DAB1: variants seen among roughly 807,000 people sequenced by gnomAD.
The protein encoded by DAB1 is DAB adaptor protein 1.
Under a neutral mutation model 64.6 loss-of-function variants are expected in DAB1, and 15 were observed. The ratio of observed to expected loss-of-function variants is 0.23; its 90% CI spans 0.16 to 0.36. The LOEUF is 0.36. Among genes scored for constraint, DAB1 ranks in the 10% least tolerant of loss-of-function variants. The probability of loss-of-function intolerance (pLI) is 1.00; values close to 1 mark genes in which losing one functional copy is unlikely to be tolerated. For missense variants in DAB1, 596 were observed against 706.7 expected (o/e 0.84, Z 1.78); for synonymous variants, 235 against 251.9 (o/e 0.93, Z 0.64).
In DAB1 at chr1:57,998,209, C is replaced by T. The variant is rs114301108; in HGVS notation, n.388-114047G>A. Among the ~76,000 whole-genome samples, 843 of 152,206 alleles carry T rather than the reference C, an allele frequency of 5.5e-3. 2 individuals carry two copies. The highest frequency in any genetic ancestry group is 0.013 in the African/African-American group (531 of 41,520). On this transcript the variant is annotated intron_variant and non_coding_transcript_variant, in intron 5 of 20. Coordinates refer to the DAB1 transcript ENST00000485760. ...CCTGGAATAGTCTGGGTCTGTATCT[C>T]GATTCTGCCATTGCCTAGCCTTGTG...
rs868313114 is a variant in DAB1 at position 58,361,303 on chromosome 1, C to T, written n.258-17900G>A. On this transcript the variant is annotated intron_variant and non_coding_transcript_variant, in intron 3 of 20. Coordinates refer to the DAB1 transcript ENST00000485760. ...AGAGAAAAGAACTTCATGATTCACC[C>T]CAACAAACGAGGTCTGGGGGTGTCC... 1.1e-4 allele frequency among the ~76,000 whole-genome samples: 17 copies of T among 152,300 alleles called. No individual in the cohort carries two copies. The Middle Eastern group carries it at 0.01, about 91-fold the overall frequency.
chr1:57,654,851 TA>T (rs1459713723), intron 6 of DAB1, among the ~76,000 whole-genome samples: 1 of 152,210 alleles, frequency 6.6e-6, no homozygotes, highest in African/African-American at 2.4e-5. Context: ...TTTTACTCAA[TA>T]AATCCTTTCC....
chr1:57,847,377 C>A (rs1428266210), intron 1 of DAB1, among the ~76,000 whole-genome samples: 1 of 150,606 alleles, frequency 6.6e-6, no homozygotes, highest in Non-Finnish European at 1.5e-5. Context: ...AAGCATAAAA[C>A]AAAAAGACAG....
intron 7 of DAB1, among the ~76,000 whole-genome samples, chr1:57,474,393 C>T (rs1211571233): frequency 2.6e-5 from 4 of 152,106 alleles, no homozygotes; most frequent in Non-Finnish European, 5.9e-5. Flanking sequence ...CTTGCCCACC[C>T]CATTTATGTC....
intron 6 of DAB1, among the ~76,000 whole-genome samples, chr1:57,719,516 G>T: frequency 6.6e-6 from 1 of 152,208 alleles, no homozygotes; most frequent in Non-Finnish European, 1.5e-5. Context: ...TTGAGGGAGG[G>T]ACCTGGTGGG....
intron 5 of DAB1, among the ~76,000 whole-genome samples, chr1:58,134,017 A>G (rs1487427182): frequency 6.6e-6 from 1 of 152,086 alleles, no homozygotes; most frequent in Non-Finnish European, 1.5e-5. Context: ...TGACTAACTA[A>G]TTAGCTGTGT....
chr1:58,505,989 AAAG>A, intron 3 of DAB1: 1 of 768,590 alleles, frequency 1.3e-6, no homozygotes, highest in Non-Finnish European at 2.3e-6. Context: ...TTACTAAGCA[AAAG>A]AAGTGACAGC....
chr1:57,697,768 C>T (rs554336261), intron 6 of DAB1, among the ~76,000 whole-genome samples: 1 of 152,110 alleles, frequency 6.6e-6, no homozygotes, highest in South Asian at 2.1e-4. Flanking sequence ...AGGCTGTGTT[C>T]TTTCTGTCTT....
At chr1:57,949,976 G>A (rs1397818324) in intron 5 of DAB1, among the ~76,000 whole-genome samples, 1 of 152,150 alleles carries the variant, frequency 6.6e-6, no homozygotes, top group Non-Finnish European at 1.5e-5. Context: ...AGACTATCAT[G>A]TTGTCCCAAG....
At chr1:58,486,506 T>C (rs1169660586) in intron 3 of DAB1, among the ~76,000 whole-genome samples, 1 of 152,208 alleles carries the variant, frequency 6.6e-6, no homozygotes, top group Non-Finnish European at 1.5e-5. Context: ...CACTATTATA[T>C]TGCTTATCCT....
At chr1:57,663,955 G>T (rs1349949862) in intron 6 of DAB1, among the ~76,000 whole-genome samples, 1 of 152,134 alleles carries the variant, frequency 6.6e-6, no homozygotes, top group Non-Finnish European at 1.5e-5. Flanking sequence ...AACTCATGCT[G>T]AAGTCTTAGG....
At chr1:58,107,148 G>C (rs1247136720) in intron 5 of DAB1, among the ~76,000 whole-genome samples, 1 of 151,724 alleles carries the variant, frequency 6.6e-6, no homozygotes, top group Non-Finnish European at 1.5e-5. Flanking sequence ...AGGACATAGA[G>C]ATATGGGATG....
At chr1:58,300,621 A>G (rs1259948770) in intron 4 of DAB1, among the ~76,000 whole-genome samples, 4 of 35,952 alleles carry the variant, frequency 1.1e-4, no homozygotes, top group Non-Finnish European at 2.0e-4. Flanking sequence ...AGAGAGAGAG[A>G]GAGAGAGAGA....
At chr1:57,380,535 A>T (rs1319042815) in intron 1 of DAB1, among the ~76,000 whole-genome samples, 2 of 152,214 alleles carry the variant, frequency 1.3e-5, no homozygotes, top group East Asian at 3.8e-4. Flanking sequence ...AGCCTGGAAC[A>T]TAGTGACAAT....
chr1:57,255,948 G>A (rs1310217924), intron 2 of DAB1, among the ~76,000 whole-genome samples: 8 of 152,242 alleles, frequency 5.3e-5, no homozygotes, highest in African/African-American at 1.9e-4. Context: ...GCCTTAATGT[G>A]CCATTTATTA....
intron 6 of DAB1, among the ~76,000 whole-genome samples, chr1:57,668,752 T>C (rs1646476880): frequency 6.6e-6 from 1 of 152,080 alleles, no homozygotes; most frequent in Non-Finnish European, 1.5e-5. Context: ...CATTTAACCT[T>C]GAGATAAGCA....
At chr1:58,431,507 G>A (rs1484402583) in intron 3 of DAB1, among the ~76,000 whole-genome samples, 58 of 138,270 alleles carry the variant, frequency 4.2e-4, no homozygotes, top group South Asian at 2.3e-4. Flanking sequence ...GCAGTGAGCC[G>A]AGATCACGCC....
intron 11 of DAB1, among the ~76,000 whole-genome samples, chr1:57,021,638 TC>T (rs1451209034): frequency 2.0e-5 from 3 of 152,188 alleles, no homozygotes; most frequent in Non-Finnish European, 4.4e-5. Flanking sequence ...TAAAACTCCT[TC>T]CTTTGTAAAT....
At chr1:58,113,614 G>GCTAA (rs1191825330) in intron 5 of DAB1, among the ~76,000 whole-genome samples, 2 of 151,810 alleles carry the variant, frequency 1.3e-5, no homozygotes, top group Non-Finnish European at 2.9e-5. Flanking sequence ...TAAACGAAGA[G>GCTAA]CTAACTTCAA....
Sources: allele counts gnomAD v4.1 joint callset (sites outside exome capture counted in the v4.1 genomes callset), GRCh38; gene constraint gnomAD v4.1.1; transcripts MANE v1.5; gene names NCBI Gene and HGNC (gene_info 2026-07-23, HGNC 2026-07-21).